The following ASIC2 variants were observed in gnomAD, a reference collection of about 807,000 sequenced individuals.
ASIC2 encodes the protein acid sensing ion channel subunit 2.
In ASIC2, 25 loss-of-function variants were observed where a neutral mutation model predicts 57.3. The ratio of observed to expected loss-of-function variants is 0.44; its 90% CI spans 0.32 to 0.61. The LOEUF (loss-of-function observed/expected upper bound fraction) is 0.61, where lower values mean the gene tolerates loss of function less well. ASIC2 is among the 20% of genes least tolerant of loss of function. ASIC2 has a pLI of 0.06. For synonymous variants in ASIC2, 319 were observed against 307.5 expected, an observed-to-expected ratio of 1.04 and a Z score of -0.39; for missense variants, 641 against 738.1, an observed-to-expected ratio of 0.87 and a Z score of 1.52.
At chr17:33,755,171 A>C (rs1340827748) in intron 1 of ASIC2, among the ~76,000 whole-genome samples, 1 of 152,076 alleles carries the variant, frequency 6.6e-6, no homozygotes, top group Non-Finnish European at 1.5e-5. Flanking sequence ...AAAGGAGAGG[A>C]CAATGTGAAG....
intron 1 of ASIC2, among the ~76,000 whole-genome samples, chr17:33,843,955 C>G (rs761247755): frequency 2.6e-5 from 4 of 152,208 alleles, no homozygotes; most frequent in Non-Finnish European, 4.4e-5. Context: ...TAACTCTTAA[C>G]TGAACACGAG....
At chr17:34,056,864 CT>C (rs1908783026) in intron 1 of ASIC2, among the ~76,000 whole-genome samples, 2 of 152,190 alleles carry the variant, frequency 1.3e-5, no homozygotes, top group South Asian at 4.2e-4. Flanking sequence ...CCTCTCATAT[CT>C]TGAGGTTAAA....
At chr17:33,624,138 G>C (rs567178301) in intron 1 of ASIC2, 8 of 152,264 alleles carry the variant, frequency 5.3e-5, no homozygotes, top group African/African-American at 1.7e-4. Flanking sequence ...GTGCTGCTTG[G>C]CCTGGCATTC....
At chr17:33,925,417 G>A (rs1915803316) in intron 1 of ASIC2, among the ~76,000 whole-genome samples, 1 of 152,232 alleles carries the variant, frequency 6.6e-6, no homozygotes, top group Non-Finnish European at 1.5e-5. Context: ...CTGGTGTACA[G>A]AACAAAGGAG....
At chr17:33,659,875 TAAATAA>T (rs1458787467) in intron 1 of ASIC2, among the ~76,000 whole-genome samples, 77 of 6,192 alleles carry the variant, frequency 0.012, no homozygotes, top group African/African-American at 0.065. Context: ...CTGTCTCAAA[TAAATAA>T]ATAAATAAAT....
chr17:33,510,431 T>C (rs1215758372), intron 1 of ASIC2, among the ~76,000 whole-genome samples: 1 of 151,970 alleles, frequency 6.6e-6, no homozygotes. Flanking sequence ...GGTGGGAGGA[T>C]GGCTTGAGAA....
chr17:34,060,776 T>C (rs2142060485), intron 1 of ASIC2, among the ~76,000 whole-genome samples: 1 of 152,046 alleles, frequency 6.6e-6, no homozygotes. Flanking sequence ...GGTCTTCAAA[T>C]TAACCCATTT....
chr17:33,522,305 C>A (rs1914767214), intron 1 of ASIC2, among the ~76,000 whole-genome samples: 1 of 152,218 alleles, frequency 6.6e-6, no homozygotes, highest in Admixed American at 6.5e-5. Context: ...TTCCCCCGTT[C>A]CTGAAGGCCT....
At chr17:34,018,146 A>C (rs1230659014) in intron 1 of ASIC2, among the ~76,000 whole-genome samples, 1 of 152,208 alleles carries the variant, frequency 6.6e-6, no homozygotes, top group Admixed American at 6.5e-5. Context: ...AGAGACTTTA[A>C]GTTGAAGCCA....
At chr17:33,092,356 G>A (rs990502031) in intron 2 of ASIC2, among the ~76,000 whole-genome samples, 1 of 152,236 alleles carries the variant, frequency 6.6e-6, no homozygotes, top group Admixed American at 6.5e-5. Context: ...CCTGGGCATG[G>A]CACAGTATTG....
chr17:33,602,350 T>G lies in ASIC2; in HGVS notation c.556-490283A>C, dbSNP rs1036684981. Among the ~76,000 whole-genome samples the G allele has an allele frequency of 3.9e-5, 6 of 152,334 alleles. No individual in the cohort carries two copies. The South Asian group carries it at 1.2e-3, about 32-fold the overall frequency. ...GAGGTGCTTAGTTCATGATGGCTCT[T>G]GCCCTTGTGAATAAATTAATGTCAT... On this transcript the variant is annotated intron_variant, in intron 1 of 9. Transcript: ENST00000359872.
rs886263553 is a variant in ASIC2, at chr17:34,134,581, A to G, written c.555+21397T>C. 3.3e-5 allele frequency among the ~76,000 whole-genome samples: 5 copies of G among 152,192 alleles called. No homozygotes were observed. The East Asian group carries it at 7.7e-4, about 23-fold the overall frequency. ...CAGCAAAGCCCAGGCCACAAGTGCC[A>G]GAGAAACCTAGAAGGGAGACTTTGC... On this transcript the variant is annotated intron_variant, in intron 1 of 9. Coordinates refer to the ASIC2 transcript ENST00000359872.
At chr17:33,622,379 G>GT (rs1313684827) in intron 1 of ASIC2, among the ~76,000 whole-genome samples, 1 of 152,004 alleles carries the variant, frequency 6.6e-6, no homozygotes, top group Non-Finnish European at 1.5e-5. Context: ...ACAAACTACA[G>GT]TTTTTTTAAA....
chr17:33,650,738 AT>A (rs1486542968), intron 1 of ASIC2, among the ~76,000 whole-genome samples: 3 of 152,246 alleles, frequency 2.0e-5, no homozygotes, highest in Admixed American at 6.5e-5. Flanking sequence ...AAAAGGTTAC[AT>A]GCTGTATGAT....
At chr17:33,331,585 G>C (rs1188157786) in intron 1 of ASIC2, among the ~76,000 whole-genome samples, 1 of 151,946 alleles carries the variant, frequency 6.6e-6, no homozygotes, top group South Asian at 2.1e-4. Flanking sequence ...ACATTTTTTG[G>C]GCCTGCACTT....
chr17:33,900,406 G>A (rs1915206849), intron 1 of ASIC2, among the ~76,000 whole-genome samples: 1 of 152,090 alleles, frequency 6.6e-6, no homozygotes, highest in South Asian at 2.1e-4. Flanking sequence ...TAAGACTCTA[G>A]ATCTAGCAAA....
At chr17:33,866,633 G>A (rs533635841) in intron 1 of ASIC2, among the ~76,000 whole-genome samples, 7 of 152,086 alleles carry the variant, frequency 4.6e-5, no homozygotes, top group Non-Finnish European at 1.0e-4. Flanking sequence ...ATCTGTGTTT[G>A]ACTCTCATCT....
chr17:33,894,781 C>G (rs1308590268), intron 1 of ASIC2, among the ~76,000 whole-genome samples: 1 of 152,146 alleles, frequency 6.6e-6, no homozygotes, highest in Non-Finnish European at 1.5e-5. Flanking sequence ...ATGAAAGAGA[C>G]AGGACATTGA....
chr17:33,326,153 A>G (rs1333696656), intron 1 of ASIC2, among the ~76,000 whole-genome samples: 4 of 152,210 alleles, frequency 2.6e-5, no homozygotes, highest in Non-Finnish European at 1.5e-5. Flanking sequence ...TTCCTGCAGC[A>G]TGTCACCATT....
Sources: gnomAD v4.1 joint callset for allele counts (sites outside exome capture counted in the v4.1 genomes callset) on GRCh38, gnomAD v4.1.1 for gene constraint, MANE v1.5 for transcripts, NCBI Gene and HGNC (gene_info 2026-07-23, HGNC 2026-07-21) for gene names.